The following STMP1 variants were observed in gnomAD, a reference collection of about 807,000 sequenced individuals.
STMP1 encodes mitolamban.
A neutral mutation model predicts 7.0 loss-of-function variants in STMP1; 7 were observed. The ratio of observed to expected loss-of-function variants is 1.01; its 90% CI spans 0.57 to 1.89. STMP1 has a LOEUF of 1.89. Ranked by LOEUF, STMP1 falls within the 40% of genes most tolerant of loss-of-function variation. The pLI, the probability that STMP1 is intolerant of heterozygous loss-of-function variation, is 0.00. For synonymous variants in STMP1, 19 were observed against 18.4 expected (o/e 1.03, Z -0.08); for missense variants, 45 against 53.0 (o/e 0.85, Z 0.47).
intron 1 of STMP1, among the ~76,000 whole-genome samples, chr7:135,672,015 T>C (rs1221136088): frequency 3.3e-5 from 5 of 152,252 alleles, no homozygotes; most frequent in African/African-American, 1.2e-4. Context: ...TGTCTTGCTC[T>C]GTCTCCCAGG....
Position 135,674,254 on chromosome 7 carries a change from G to C in STMP1, c.*89G>C. 2 of 1,033,972 alleles carry C rather than the reference G, an allele frequency of 1.9e-6. No individual in the cohort carries two copies. Among genetic ancestry groups the C allele is most frequent in the Non-Finnish European group, 1.4e-6 (1 of 714,600 alleles). The allele number at this position is 1,033,972 out of a possible 1,614,324, so 64.0% of individuals were successfully genotyped here. Reference sequence around the variant, plus strand: ...ATCTGAACCAAAAGCTTTTGTTTTCGTCTCCAGCCTCAGCACTTCTCTTCT... The same window carrying C: ...ATCTGAACCAAAAGCTTTTGTTTTCCTCTCCAGCCTCAGCACTTCTCTTCT... On this transcript the variant is annotated 3_prime_UTR_variant, in exon 3 of 3. Coordinates refer to ENST00000507606, the MANE Select transcript of STMP1 (RefSeq NM_001130929.2).
At chr7:135,664,366 T>C (rs891198679) in intron 1 of STMP1, among the ~76,000 whole-genome samples, 4 of 145,172 alleles carry the variant, frequency 2.8e-5, no homozygotes, top group Non-Finnish European at 6.0e-5. Context: ...TTTTTTTTTT[T>C]TTGAGACAAG....
chr7:135,673,789 A>T (rs1011017891), intron 2 of STMP1, among the ~76,000 whole-genome samples: 2 of 152,102 alleles, frequency 1.3e-5, no homozygotes, highest in Non-Finnish European at 2.9e-5. Flanking sequence ...AAATACAAAA[A>T]TTAGCCAGGG....
At chr7:135,668,019 G>A (rs1795314692) in intron 1 of STMP1, among the ~76,000 whole-genome samples, 1 of 152,094 alleles carries the variant, frequency 6.6e-6, no homozygotes, top group South Asian at 2.1e-4. Flanking sequence ...CATTGTCCCA[G>A]CACCATTTCT....
Position 135,674,209 on chromosome 7 carries a change from T to C in STMP1, c.*44T>C, listed in dbSNP as rs770483649. On this transcript the variant is annotated 3_prime_UTR_variant, in exon 3 of 3. Coordinates refer to ENST00000507606, the MANE Select transcript of STMP1 (RefSeq NM_001130929.2). Reference sequence around the variant, plus strand: ...CTTCAGGATATACTGATTCTACTGCTCTTGAGGGCCTCGTTTACTATCTGA... The same window carrying C: ...CTTCAGGATATACTGATTCTACTGCCCTTGAGGGCCTCGTTTACTATCTGA... 1.4e-6 allele frequency: 2 copies of C among 1,389,984 alleles called. No individual in the cohort carries two copies. Among genetic ancestry groups the C allele is most frequent in the East Asian group, 2.5e-5 (1 of 39,888 alleles). 86.1% of individuals were successfully genotyped at this position (1,389,984 alleles called of 1,614,324 possible). A position where few individuals can be genotyped will look rare whatever the true frequency, so the allele number is the denominator to read the frequency against.
At chr7:135,674,017 C>T in intron 2 of STMP1, 74 bp from the exon 3 acceptor site, 5 of 918,210 alleles carry the variant, frequency 5.4e-6, no homozygotes, top group Non-Finnish European at 8.4e-6. Flanking sequence ...AACCATTTAT[C>T]TTTGGAGGAA....
chr7:135,674,105 TA>T lies in STMP1; in HGVS notation c.90del (p.Lys30AsnfsTer30). On this transcript the variant is annotated frameshift_variant, in exon 3 of 3. Transcript: ENST00000507606. LOFTEE classifies it high-confidence loss of function. ...AQNYDIPNLAKKLEEIKKDLD... is the reference protein window; with the variant it reads ...AQNYDIPNLAXKLEEIKKDLD... ...TCTCTTCAAAGATACCAAACCTGGC[TA>T]AAAAACTTGAAGAAATTAAAAAGGA... The T allele has an allele frequency of 6.4e-7, 1 of 1,550,658 alleles. No individual in the cohort carries two copies. The highest frequency in any genetic ancestry group is 8.7e-7 in the Non-Finnish European group (1 of 1,146,602).
In STMP1 at chr7:135,675,378, T is replaced by G. The variant is rs1222654287; in HGVS notation, c.*1213T>G. The stretch of plus-strand genomic sequence containing the variant: ...CCCTCGCCTTTTTTTTTTCTTTTTT[T>G]CTTTTTTAATGGAGATCATTCTATA... On this transcript the variant is annotated 3_prime_UTR_variant, in exon 3 of 3. Transcript: ENST00000507606. 3 of 152,098 alleles carry G rather than the reference T, an allele frequency of 2.0e-5. No homozygotes were observed. The highest frequency in any genetic ancestry group is 2.9e-5 in the Non-Finnish European group (2 of 68,022). The allele number at this position is 152,098 out of a possible 1,614,324, so 9.4% of individuals were successfully genotyped here.
At chr7:135,673,226 T>G (rs1346258901) in intron 2 of STMP1, 1 of 181,460 alleles carries the variant, frequency 5.5e-6, no homozygotes, top group African/African-American at 2.4e-5. Flanking sequence ...CTGAAAAATA[T>G]AGATCTATAT....
rs1445307243 is a variant in STMP1 at position 135,675,513 on chromosome 7, T to A, written c.*1348T>A. The A allele has an allele frequency of 6.6e-6, 1 of 152,218 alleles. No individual in the cohort carries two copies. The highest frequency in any genetic ancestry group is 1.5e-5 in the Non-Finnish European group (1 of 68,032). The allele number at this position is 152,218 out of a possible 1,614,324, so 9.4% of individuals were successfully genotyped here. ...TGCTACTGGTGAATGCTTAGGTTGT[T>A]CTTTTGCTATTACAGTGATAACTTC... On this transcript the variant is annotated 3_prime_UTR_variant, in exon 3 of 3. Transcript: ENST00000507606.
intron 1 of STMP1, among the ~76,000 whole-genome samples, chr7:135,663,294 C>T (rs1435280437): frequency 6.6e-6 from 1 of 152,164 alleles, no homozygotes. Flanking sequence ...GAAAGTTTTT[C>T]TGCCAAGCTA....
chr7:135,664,510 C>T (rs1426892850), intron 1 of STMP1, among the ~76,000 whole-genome samples: 1 of 151,858 alleles, frequency 6.6e-6, no homozygotes, highest in Non-Finnish European at 1.5e-5. Flanking sequence ...CGCACTACCA[C>T]CCGTGACTAA....
intron 1 of STMP1, among the ~76,000 whole-genome samples, chr7:135,663,687 G>A (rs1000193056): frequency 4.6e-5 from 7 of 151,592 alleles, no homozygotes; most frequent in South Asian, 2.1e-4. Context: ...ACGGAGTCCC[G>A]CTCTGTCGCC....
intron 1 of STMP1, among the ~76,000 whole-genome samples, chr7:135,669,469 A>G (rs992999456): frequency 3.3e-5 from 5 of 152,120 alleles, no homozygotes; most frequent in African/African-American, 4.8e-5. Context: ...CTTCCTATTC[A>G]TCATATAAGT....
At position 135,675,830 on chromosome 7, in the gene STMP1, GT is replaced by G. The variant is rs1349747858; in HGVS notation, c.*1669del. 10 of 150,776 alleles carry G rather than the reference GT, an allele frequency of 6.6e-5. No individual in the cohort carries two copies. Among genetic ancestry groups the G allele is most frequent in the African/African-American group, 1.9e-4 (8 of 41,232 alleles). The allele number at this position is 150,776 out of a possible 1,614,324, so 9.3% of individuals were successfully genotyped here. A position where few individuals can be genotyped will look rare whatever the true frequency, so the allele number is the denominator to read the frequency against. On this transcript the variant is annotated 3_prime_UTR_variant, in exon 3 of 3. Transcript: ENST00000507606. Reference sequence around the variant, plus strand: ...TTGCATCTCTCCTACATGGAAGTAAGTTTTATTCCTGTCAATGTTGTCTTTG... The same window carrying G: ...TTGCATCTCTCCTACATGGAAGTAAGTTTATTCCTGTCAATGTTGTCTTTG...
intron 1 of STMP1, among the ~76,000 whole-genome samples, chr7:135,672,527 T>G (rs527668511): frequency 6.6e-6 from 1 of 152,324 alleles, no homozygotes; most frequent in Admixed American, 6.5e-5. Flanking sequence ...GTTTGGTTGG[T>G]GTCACCATTT....
intron 1 of STMP1, among the ~76,000 whole-genome samples, chr7:135,668,176 C>T (rs773240129): frequency 6.6e-6 from 1 of 152,036 alleles, no homozygotes; most frequent in Admixed American, 6.6e-5. Flanking sequence ...CTTTATTGAT[C>T]AATAGAAACA....
At position 135,664,280 on chromosome 7, in the gene STMP1, A is replaced by G. The variant is rs566369445; in HGVS notation, c.15+1686A>G. ...AGAGGACATGATTCAATTACAGTTA[A>G]CTTTCTAAGTGGTTTTGCAGAATGA... On this transcript the variant is annotated intron_variant, in intron 1 of 2. Coordinates refer to ENST00000507606, the MANE Select transcript of STMP1 (RefSeq NM_001130929.2). Among the ~76,000 whole-genome samples the G allele has an allele frequency of 2.0e-5, 3 of 152,102 alleles. No individual in the cohort carries two copies. In the South Asian group the frequency reaches 6.2e-4, roughly 32 times the overall value.
chr7:135,674,190 G>A lies in STMP1; in HGVS notation c.*25G>A. 1.3e-6 allele frequency: 2 copies of A among 1,500,702 alleles called. No individual in the cohort carries two copies. The highest frequency in any genetic ancestry group is 1.8e-6 in the Non-Finnish European group (2 of 1,113,796). The allele number at this position is 1,500,702 out of a possible 1,614,324, so 93.0% of individuals were successfully genotyped here. A position where few individuals can be genotyped will look rare whatever the true frequency, so the allele number is the denominator to read the frequency against. On this transcript the variant is annotated 3_prime_UTR_variant, in exon 3 of 3. Transcript: ENST00000507606. ...AGACTGCCTCCAGCACTGCCTTCAG[G>A]ATATACTGATTCTACTGCTCTTGAG...
Sources: allele counts gnomAD v4.1 joint callset (sites outside exome capture counted in the v4.1 genomes callset), GRCh38; gene constraint gnomAD v4.1.1; transcripts MANE v1.5; gene names NCBI Gene and HGNC (gene_info 2026-07-23, HGNC 2026-07-21).